The following RFTN1 variants were observed in gnomAD, a reference collection of about 807,000 sequenced individuals.
The protein encoded by RFTN1 is raftlin, lipid raft linker 1.
A neutral mutation model predicts 46.5 loss-of-function variants in RFTN1; 26 were observed. That is an observed-to-expected ratio of 0.56 (90% CI 0.41 to 0.78). The LOEUF (loss-of-function observed/expected upper bound fraction) is 0.78. Ranked by LOEUF, RFTN1 falls within the 30% of genes least tolerant of loss-of-function variation. RFTN1 has a pLI of 0.00. For missense variants in RFTN1, 693 were observed against 718.7 expected (o/e 0.96, Z 0.41); for synonymous variants, 261 against 284.2 (o/e 0.92, Z 0.82).
rs1443883917 is a variant in RFTN1 at position 16,465,269 on chromosome 3, T to C, written c.145+28456A>G. Among the ~76,000 whole-genome samples, 1 of 152,132 alleles carries C rather than the reference T, an allele frequency of 6.6e-6. No homozygotes were observed. The highest frequency in any genetic ancestry group is 1.9e-4 in the East Asian group (1 of 5,182). ...TTCATAGAGGTTTTTGTTGTTGTTG[T>C]TCAGAAAATGAACATATAAGGAAGA... On this transcript the variant is annotated intron_variant, in intron 2 of 9. Transcript: ENST00000334133. This position sits in a 1 kb window ranked among gnomAD's most constrained non-coding sequence, Gnocchi z 5.1.
Position 16,513,622 on chromosome 3 carries a change from C to A in RFTN1, c.-189G>T, listed in dbSNP as rs1372400740. ...GTGTCTGTCCCTCCGGCGATCGGTGCGTCTGTCCCTCGCCGGAGCCCGCGG... is the reference window on the plus strand; with the variant it reads ...GTGTCTGTCCCTCCGGCGATCGGTGAGTCTGTCCCTCGCCGGAGCCCGCGG... On this transcript the variant is annotated 5_prime_UTR_variant, in exon 1 of 10. Coordinates refer to ENST00000334133, the MANE Select transcript of RFTN1 (RefSeq NM_015150.2). This position sits in a 1 kb window ranked among gnomAD's most constrained non-coding sequence, Gnocchi z 5.4. 1.3e-5 allele frequency: 2 copies of A among 151,990 alleles called. No homozygotes were observed. The highest frequency in any genetic ancestry group is 3.0e-5 in the Non-Finnish European group (2 of 67,776). 9.4% of individuals were successfully genotyped at this position (151,990 alleles called of 1,614,324 possible).
At position 16,418,077 on chromosome 3, in the gene RFTN1, T is replaced by C. The variant is rs62236346; in HGVS notation, c.333-8594A>G. Among the ~76,000 whole-genome samples the C allele has an allele frequency of 0.074, 11,225 of 152,208 alleles. 546 individuals carry two copies. Among genetic ancestry groups the C allele is most frequent in the Middle Eastern group, 0.15 (44 of 294 alleles). Reference sequence around the variant, plus strand: ...TGGGACCTAACCCTTTCCTAAGACATTAAAATAGCATTGTTGTAACAAGTA... The same window carrying C: ...TGGGACCTAACCCTTTCCTAAGACACTAAAATAGCATTGTTGTAACAAGTA... On this transcript the variant is annotated intron_variant, in intron 3 of 9. Transcript: ENST00000334133. This position sits in a 1 kb window ranked among gnomAD's most constrained non-coding sequence, Gnocchi z 5.0.
chr3:16,427,179 A>G lies in RFTN1; in HGVS notation c.332+6672T>C, dbSNP rs996241710. Among the ~76,000 whole-genome samples the G allele has an allele frequency of 1.3e-5, 2 of 152,258 alleles. No individual in the cohort carries two copies. Among genetic ancestry groups the G allele is most frequent in the Non-Finnish European group, 2.9e-5 (2 of 68,046 alleles). On this transcript the variant is annotated intron_variant, in intron 3 of 9. Transcript: ENST00000334133. This position sits in a 1 kb window ranked among gnomAD's most constrained non-coding sequence, Gnocchi z 5.4. The stretch of plus-strand genomic sequence containing the variant: ...GTGAGGCTAAAAGAGAAGTTTTCAC[A>G]TAAAAATCCAGATTTCTGGCTTTTC...
rs2071877696 is a variant in RFTN1, at chr3:16,348,391, C to T, written c.1146+9541G>A. On this transcript the variant is annotated intron_variant, in intron 7 of 9. Transcript: ENST00000334133. The surrounding 1 kb of genome is among the most constrained non-coding windows in gnomAD (Gnocchi z 6.3). ...AAAAAAATTAATAGATGTGCCTTCT[C>T]TTCCAGCTGGCCTCTGCTCCTGTCA... is the stretch of plus-strand genomic sequence containing the variant. Among the ~76,000 whole-genome samples the T allele has an allele frequency of 6.6e-6, 1 of 152,154 alleles. No homozygotes were observed. The highest frequency in any genetic ancestry group is 2.1e-4 in the South Asian group (1 of 4,826).
chr3:16,331,505 CCT>C (rs1294188094), intron 7 of RFTN1, among the ~76,000 whole-genome samples: 4 of 151,906 alleles, frequency 2.6e-5, no homozygotes, highest in African/African-American at 9.7e-5. Context: ...TTTATATAAC[CCT>C]CTGTTTTTCC....
At chr3:16,359,223 G>A (rs1384134234) in intron 6 of RFTN1, among the ~76,000 whole-genome samples, 1 of 152,080 alleles carries the variant, frequency 6.6e-6, no homozygotes, top group African/African-American at 2.4e-5. Context: ...ATCATGAAAG[G>A]TGATGTGACT....
intron 5 of RFTN1, among the ~76,000 whole-genome samples, chr3:16,372,044 C>T (rs890903797): frequency 9.9e-5 from 15 of 152,262 alleles, no homozygotes; most frequent in African/African-American, 2.6e-4. Flanking sequence ...CTGCAGCTAC[C>T]GAGGGCAAGA....
rs1004724234 is a variant in RFTN1 at position 16,479,637 on chromosome 3, T to C, written c.145+14088A>G. ...GATGGACTGAAGACCGGTGAGCCCA[T>C]GCTCAGGGCATCTTTGATGCATCTA... On this transcript the variant is annotated intron_variant, in intron 2 of 9. Coordinates refer to ENST00000334133, the MANE Select transcript of RFTN1 (RefSeq NM_015150.2). This position sits in a 1 kb window ranked among gnomAD's most constrained non-coding sequence, Gnocchi z 5.1. Among the ~76,000 whole-genome samples, 12 of 152,368 alleles carry C rather than the reference T, an allele frequency of 7.9e-5. No individual in the cohort carries two copies. Among genetic ancestry groups the C allele is most frequent in the East Asian group, 1.9e-4 (1 of 5,192 alleles).
In RFTN1 at chr3:16,348,947, T is replaced by G. The variant is rs1025081494; in HGVS notation, c.1146+8985A>C. ...TGCCAAGGAGGAGGCAGAGGGAAAA[T>G]TCTGGCTAAAAGAGGTAAAAGAGGG... On this transcript the variant is annotated intron_variant, in intron 7 of 9. Coordinates refer to ENST00000334133, the MANE Select transcript of RFTN1 (RefSeq NM_015150.2). The surrounding 1 kb of genome is among the most constrained non-coding windows in gnomAD (Gnocchi z 6.3). Among the ~76,000 whole-genome samples the G allele has an allele frequency of 1.3e-5, 2 of 152,000 alleles. No individual in the cohort carries two copies. Among genetic ancestry groups the G allele is most frequent in the Admixed American group, 1.3e-4 (2 of 15,252 alleles).
At chr3:16,478,710 G>A (rs2124964309) in intron 2 of RFTN1, among the ~76,000 whole-genome samples, 1 of 152,274 alleles carries the variant, frequency 6.6e-6, no homozygotes, top group African/African-American at 2.4e-5. Flanking sequence ...CCACTTCCAA[G>A]CTCATGCACA....
rs773514487 is a variant in RFTN1, at chr3:16,370,160, C to T, written c.946G>A (p.Ala316Thr). The T allele has an allele frequency of 1.2e-6, 2 of 1,614,202 alleles. No homozygotes were observed. The highest frequency in any genetic ancestry group is 8.5e-7 in the Non-Finnish European group (1 of 1,180,040). The change falls in exon 6 of 10, where the codon GCC becomes ACC. Residue 316 changes from alanine (A) to threonine (T), a missense_variant. Ala to Thr is a moderately conservative substitution (Grantham distance 58). Coordinates refer to ENST00000334133, the MANE Select transcript of RFTN1 (RefSeq NM_015150.2). The surrounding 1 kb of genome is among the most constrained non-coding windows in gnomAD (Gnocchi z 5.5). ...KNGQTVSGLD[A>T]NWLEHMSDHF... ...TCGCTCATGTGCTCTAACCAGTTGG[C>T]GTCCAAACCGCTCACTGTCTGGCCA...
intron 2 of RFTN1, among the ~76,000 whole-genome samples, chr3:16,467,664 C>T (rs2076123320): frequency 1.3e-5 from 2 of 152,150 alleles, no homozygotes; most frequent in African/African-American, 4.8e-5. Context: ...GACCGTGCGC[C>T]ATGGAAGGGA....
In RFTN1 at chr3:16,351,749, A is replaced by G. The variant is rs1284043494; in HGVS notation, c.1146+6183T>C. Among the ~76,000 whole-genome samples, 8 of 152,224 alleles carry G rather than the reference A, an allele frequency of 5.3e-5. No homozygotes were observed. Among genetic ancestry groups the G allele is most frequent in the African/African-American group, 7.2e-5 (3 of 41,468 alleles). On this transcript the variant is annotated intron_variant, in intron 7 of 9. Coordinates refer to ENST00000334133, the MANE Select transcript of RFTN1 (RefSeq NM_015150.2). This position sits in a 1 kb window ranked among gnomAD's most constrained non-coding sequence, Gnocchi z 5.4. ...TAAATGATTTAAAAGCATATAAACTATAAGTGCAAAAACAAGTTGTTTCTC... is the reference window on the plus strand; with the variant it reads ...TAAATGATTTAAAAGCATATAAACTGTAAGTGCAAAAACAAGTTGTTTCTC...
rs944896134 is a variant in RFTN1 at position 16,345,096 on chromosome 3, C to CA, written c.1146+12835dup. 2 of 152,250 alleles carry CA rather than the reference C, an allele frequency of 1.3e-5. No individual in the cohort carries two copies. The highest frequency in any genetic ancestry group is 1.3e-4 in the Admixed American group (2 of 15,278). 9.4% of individuals were successfully genotyped at this position (152,250 alleles called of 1,614,324 possible). A position where few individuals can be genotyped will look rare whatever the true frequency, so the allele number is the denominator to read the frequency against. The stretch of plus-strand genomic sequence containing the variant: ...CTCAGACCTGCAACCACAAGGCCAA[C>CA]AACCTAAGTGAGCTTGGAAGTGGAT... On this transcript the variant is annotated intron_variant, in intron 7 of 9. Coordinates refer to ENST00000334133, the MANE Select transcript of RFTN1 (RefSeq NM_015150.2). This position sits in a 1 kb window ranked among gnomAD's most constrained non-coding sequence, Gnocchi z 5.2.
At position 16,425,482 on chromosome 3, in the gene RFTN1, AAAAT is replaced by A. The variant is rs1403515427; in HGVS notation, c.332+8365_332+8368del. Among the ~76,000 whole-genome samples, 1 of 152,208 alleles carries A rather than the reference AAAAT, an allele frequency of 6.6e-6. No individual in the cohort carries two copies. Among genetic ancestry groups the A allele is most frequent in the African/African-American group, 2.4e-5 (1 of 41,444 alleles). On this transcript the variant is annotated intron_variant, in intron 3 of 9. Coordinates refer to ENST00000334133, the MANE Select transcript of RFTN1 (RefSeq NM_015150.2). The surrounding 1 kb of genome is among the most constrained non-coding windows in gnomAD (Gnocchi z 4.3). ...TCTCTCAGAAGAAACAAACAAACAA[AAAAT>A]AAATAAAATGTGAGGAAAGACACAG...
At chr3:16,454,731 T>C (rs1172878790) in intron 2 of RFTN1, 3 of 983,622 alleles carry the variant, frequency 3.0e-6, no homozygotes, top group Non-Finnish European at 3.6e-6. Flanking sequence ...CTTCAACCTA[T>C]ACACCAAGGC....
rs1007499645 is a variant in RFTN1, at chr3:16,400,276, C to T, written c.441+9099G>A. 8.5e-5 allele frequency among the ~76,000 whole-genome samples: 13 copies of T among 152,332 alleles called. No homozygotes were observed. Among genetic ancestry groups the T allele is most frequent in the African/African-American group, 2.6e-4 (11 of 41,578 alleles). On this transcript the variant is annotated intron_variant, in intron 4 of 9. Coordinates refer to ENST00000334133, the MANE Select transcript of RFTN1 (RefSeq NM_015150.2). This position sits in a 1 kb window ranked among gnomAD's most constrained non-coding sequence, Gnocchi z 4.5. ...CCAAACTTACTCCCTCCCACCTTGG[C>T]TTTGTCTGAGCTGCTCCAGGAGTCC... is the stretch of plus-strand genomic sequence containing the variant.
chr3:16,493,946 T>A (rs762899931), intron 1 of RFTN1, 69 bp from the exon 2 acceptor site: 44 of 1,556,152 alleles, frequency 2.8e-5, no homozygotes, highest in Non-Finnish European at 3.9e-5. Flanking sequence ...CACCCTAGTA[T>A]AAAAGATGCC....
intron 2 of RFTN1, among the ~76,000 whole-genome samples, chr3:16,438,261 TA>T (rs1429668307): frequency 6.6e-6 from 1 of 152,012 alleles, no homozygotes; most frequent in Admixed American, 6.6e-5. Flanking sequence ...CACACTAAAA[TA>T]AAAAATAAAA....
Sources: allele counts gnomAD v4.1 joint callset (sites outside exome capture counted in the v4.1 genomes callset), GRCh38; gene constraint gnomAD v4.1.1; non-coding constraint Gnocchi (gnomAD v3.1); transcripts MANE v1.5; gene names NCBI Gene and HGNC (gene_info 2026-07-23, HGNC 2026-07-21).